The following NELL1 variants were observed in gnomAD, a reference collection of about 807,000 sequenced individuals.
NELL1 encodes neural EGFL like 1, also known as protein kinase C-binding protein NELL1.
A neutral mutation model predicts 107.4 loss-of-function variants in NELL1; 76 were observed. That is an observed-to-expected ratio of 0.71 (90% confidence interval 0.59 to 0.86). NELL1 has a LOEUF of 0.86. Ranked by LOEUF, NELL1 falls within the 40% of genes least tolerant of loss-of-function variation. The pLI is 0.00. For missense variants in NELL1, 1,024 were observed against 1,005.5 expected, an observed-to-expected ratio of 1.02 and a Z score of -0.25; for synonymous variants, 353 against 341.2, an observed-to-expected ratio of 1.03 and a Z score of -0.38.
At chr11:20,962,612 A>G (rs7109399) in intron 12 of NELL1, among the ~76,000 whole-genome samples, 1,532 of 152,290 alleles carry the variant, frequency 0.01, 22 homozygotes, top group African/African-American at 0.035. Context: ...GTCATTTTTT[A>G]TTACAAAAGA....
At chr11:20,799,385 C>T (rs1340920387) in intron 3 of NELL1, among the ~76,000 whole-genome samples, 2 of 152,180 alleles carry the variant, frequency 1.3e-5, no homozygotes, top group Non-Finnish European at 2.9e-5. Context: ...ACAACAGTTA[C>T]TTACTAAGTG....
intron 15 of NELL1, among the ~76,000 whole-genome samples, chr11:21,442,360 G>T (rs1220643500): frequency 1.3e-5 from 2 of 152,052 alleles, no homozygotes; most frequent in Non-Finnish European, 2.9e-5. Context: ...TACGGCTTAT[G>T]GTTACGTGGT....
chr11:20,773,226 T>C (rs1394924783), intron 2 of NELL1, among the ~76,000 whole-genome samples: 1 of 152,212 alleles, frequency 6.6e-6, no homozygotes, highest in African/African-American at 2.4e-5. Context: ...TCTTTTGGCA[T>C]GGTGGCTGCT....
At chr11:21,134,984 C>T (rs757625912) in intron 13 of NELL1, among the ~76,000 whole-genome samples, 6 of 152,148 alleles carry the variant, frequency 3.9e-5, no homozygotes, top group African/African-American at 7.2e-5. Flanking sequence ...TGTAAAAGAC[C>T]GAATGCCTAG....
intron 13 of NELL1, among the ~76,000 whole-genome samples, chr11:21,142,609 T>C (rs1318210570): frequency 6.6e-6 from 1 of 152,102 alleles, no homozygotes; most frequent in Non-Finnish European, 1.5e-5. Flanking sequence ...ATGGCCGAGG[T>C]AGTGTGGTTC....
chr11:20,854,859 C>G (rs1053346439), intron 4 of NELL1, among the ~76,000 whole-genome samples: 3 of 152,154 alleles, frequency 2.0e-5, no homozygotes, highest in Non-Finnish European at 4.4e-5. Context: ...GTAAAAGAAG[C>G]CTTGGATGCT....
rs1374661024 is a variant in NELL1, at chr11:20,882,547, A to G, written c.507-2897A>G. On this transcript the variant is annotated intron_variant, in intron 4 of 19. Transcript: ENST00000357134. ...CGTGTATTCATAGATGTGTATACTTATATATACAAACAGTATTGTTATTTT... is the reference window on the plus strand; with the variant it reads ...CGTGTATTCATAGATGTGTATACTTGTATATACAAACAGTATTGTTATTTT... 2.6e-5 allele frequency among the ~76,000 whole-genome samples: 4 copies of G among 152,314 alleles called. No homozygotes were observed. The South Asian group carries it at 6.2e-4, about 24-fold the overall frequency.
At chr11:20,937,306 T>A (rs1590436636) in intron 9 of NELL1, among the ~76,000 whole-genome samples, 1 of 152,308 alleles carries the variant, frequency 6.6e-6, no homozygotes, top group Admixed American at 6.5e-5. Flanking sequence ...TTGTCTCACA[T>A]GTGTATTTCT....
At chr11:21,541,468 T>C (rs1856290946) in intron 16 of NELL1, among the ~76,000 whole-genome samples, 1 of 152,096 alleles carries the variant, frequency 6.6e-6, no homozygotes, top group African/African-American at 2.4e-5. Context: ...ATAATTGAAA[T>C]GGCCTAAGAA....
intron 2 of NELL1, among the ~76,000 whole-genome samples, chr11:20,757,766 T>C (rs1856329378): frequency 6.6e-6 from 1 of 152,220 alleles, no homozygotes; most frequent in African/African-American, 2.4e-5. Context: ...ATCTCCTGCC[T>C]CCAAAACCTG....
intron 14 of NELL1, among the ~76,000 whole-genome samples, chr11:21,238,317 C>T (rs1212396031): frequency 6.6e-6 from 1 of 151,942 alleles, no homozygotes; most frequent in East Asian, 1.9e-4. Flanking sequence ...GATCATCTCT[C>T]CATGGAATAT....
intron 12 of NELL1, among the ~76,000 whole-genome samples, chr11:21,095,068 C>A (rs1465692046): frequency 1.3e-5 from 2 of 152,198 alleles, no homozygotes; most frequent in Non-Finnish European, 2.9e-5. Flanking sequence ...AGCCAAGTCA[C>A]CTCTTGAATG....
intron 15 of NELL1, among the ~76,000 whole-genome samples, chr11:21,412,692 G>A (rs1263460109): frequency 6.6e-6 from 1 of 152,080 alleles, no homozygotes; most frequent in African/African-American, 2.4e-5. Context: ...CTCCTTTGAA[G>A]TTTTGGGCTG....
intron 12 of NELL1, among the ~76,000 whole-genome samples, chr11:20,993,956 T>A (rs1338675458): frequency 6.6e-6 from 1 of 152,032 alleles, no homozygotes; most frequent in African/African-American, 2.4e-5. Context: ...CTCAATAATA[T>A]TTGATGACAA....
intron 15 of NELL1, among the ~76,000 whole-genome samples, chr11:21,490,035 C>G (rs951783825): frequency 6.6e-6 from 1 of 151,922 alleles, no homozygotes; most frequent in Non-Finnish European, 1.5e-5. Context: ...GATCTAACAT[C>G]TAGAAAAACC....
intron 15 of NELL1, among the ~76,000 whole-genome samples, chr11:21,457,908 T>C (rs1288974480): frequency 6.6e-6 from 1 of 152,082 alleles, no homozygotes; most frequent in Non-Finnish European, 1.5e-5. Context: ...ATAAAGGTAA[T>C]GTGTGGAAAA....
At chr11:20,845,602 G>A (rs1482942001) in intron 3 of NELL1, among the ~76,000 whole-genome samples, 1 of 152,106 alleles carries the variant, frequency 6.6e-6, no homozygotes, top group Non-Finnish European at 1.5e-5. Context: ...GTGCTAAATG[G>A]TCTTGGGCAA....
In NELL1 at chr11:21,277,038, A is replaced by G. The variant is rs1301004965; in HGVS notation, c.1549+47584A>G. Among the ~76,000 whole-genome samples, 64 of 151,540 alleles carry G rather than the reference A, an allele frequency of 4.2e-4. 1 individual carries two copies. The East Asian group carries it at 0.012, about 29-fold the overall frequency. On this transcript the variant is annotated intron_variant, in intron 14 of 19. Transcript: ENST00000357134. Reference sequence around the variant, plus strand: ...AAAAGCAATGGCAACAAAAGCCAAAATTGACAAATGGGATCTAATTAAACT... The same window carrying G: ...AAAAGCAATGGCAACAAAAGCCAAAGTTGACAAATGGGATCTAATTAAACT...
At chr11:21,347,346 T>C (rs566572268) in intron 14 of NELL1, among the ~76,000 whole-genome samples, 6 of 152,270 alleles carry the variant, frequency 3.9e-5, no homozygotes, top group African/African-American at 1.4e-4. Flanking sequence ...CTCATGCCTG[T>C]CATCCCAGCA....
Sources: gnomAD v4.1 joint callset for allele counts (sites outside exome capture counted in the v4.1 genomes callset) on GRCh38, gnomAD v4.1.1 for gene constraint, MANE v1.5 for transcripts, NCBI Gene and HGNC (gene_info 2026-07-23, HGNC 2026-07-21) for gene names.